NKAIN2: variants seen among roughly 807,000 people sequenced by gnomAD.
The protein encoded by NKAIN2 is sodium/potassium-transporting ATPase subunit beta-1-interacting protein 2.
Under a neutral mutation model 32.6 loss-of-function variants are expected in NKAIN2, and 14 were observed. That is an observed-to-expected ratio of 0.43 (90% CI 0.28 to 0.67). NKAIN2 has a LOEUF of 0.67. Among genes scored for constraint, NKAIN2 ranks in the 30% least tolerant of loss-of-function variants. The probability of loss-of-function intolerance (pLI) is 0.17; values close to 1 mark genes in which losing one functional copy is unlikely to be tolerated. For synonymous variants in NKAIN2, 80 were observed against 87.2 expected (o/e 0.92, Z 0.46); for missense variants, 198 against 258.3 (o/e 0.77, Z 1.60).
intron 1 of NKAIN2, among the ~76,000 whole-genome samples, chr6:124,227,939 G>A (rs1792208877): frequency 6.6e-6 from 1 of 152,146 alleles, no homozygotes. Flanking sequence ...CTGGGGACTG[G>A]AAAGTTGGAA....
chr6:124,477,882 G>C (rs753613977), intron 3 of NKAIN2, among the ~76,000 whole-genome samples: 1 of 146,658 alleles, frequency 6.8e-6, no homozygotes, highest in Non-Finnish European at 1.5e-5. Context: ...GTTTGGGAAA[G>C]AATCCTAGCA....
rs1192608014 is a variant in NKAIN2 at position 124,418,178 on chromosome 6, C to CTG, written c.273+62845_273+62846dup. The stretch of plus-strand genomic sequence containing the variant: ...GTGGACTGTGTGTGTGTGTGTGTGT[C>CTG]TGTGTGTGTGTGTGTTTGTATGGTG... On this transcript the variant is annotated intron_variant, in intron 3 of 6. Coordinates refer to ENST00000368417, the MANE Select transcript of NKAIN2 (RefSeq NM_001040214.3). Among the ~76,000 whole-genome samples, 215 of 142,074 alleles carry CTG rather than the reference C, an allele frequency of 1.5e-3. 1 individual carries two copies. Among genetic ancestry groups the CTG allele is most frequent in the African/African-American group, 4.1e-3 (155 of 37,900 alleles). The allele number at this position is 142,074 out of a possible 152,430, so 93.2% of individuals were successfully genotyped here.
intron 3 of NKAIN2, among the ~76,000 whole-genome samples, chr6:124,417,772 A>G (rs1307359893): frequency 6.6e-6 from 1 of 152,088 alleles, no homozygotes; most frequent in African/African-American, 2.4e-5. Flanking sequence ...TTCAGCCTGG[A>G]GTTGTCAAGT....
intron 1 of NKAIN2, among the ~76,000 whole-genome samples, chr6:123,832,010 G>A (rs559746461): frequency 6.6e-6 from 1 of 152,244 alleles, no homozygotes; most frequent in African/African-American, 2.4e-5. Flanking sequence ...TTTCATTAGG[G>A]TTCCCTATTG....
At chr6:124,055,544 T>C (rs1414306979) in intron 1 of NKAIN2, among the ~76,000 whole-genome samples, 1 of 152,000 alleles carries the variant, frequency 6.6e-6, no homozygotes, top group African/African-American at 2.4e-5. Context: ...CATTCTTTTG[T>C]CCTCAGAGAC....
At chr6:124,511,720 A>G (rs1329684975) in intron 3 of NKAIN2, among the ~76,000 whole-genome samples, 2 of 152,140 alleles carry the variant, frequency 1.3e-5, no homozygotes, top group African/African-American at 4.8e-5. Flanking sequence ...TCAGGCATTC[A>G]TGTTCCAGGT....
chr6:124,303,450 A>G (rs189857545), intron 2 of NKAIN2, among the ~76,000 whole-genome samples: 41 of 152,304 alleles, frequency 2.7e-4, no homozygotes, highest in Admixed American at 2.5e-3. Flanking sequence ...TATGTGGTCT[A>G]TAGAGACAAG....
At chr6:124,013,101 A>G (rs1009837549) in intron 1 of NKAIN2, among the ~76,000 whole-genome samples, 3 of 152,142 alleles carry the variant, frequency 2.0e-5, no homozygotes, top group Non-Finnish European at 4.4e-5. Flanking sequence ...AACATCTTTT[A>G]TGTGTTATTT....
At chr6:124,317,736 C>T (rs1457257799) in intron 2 of NKAIN2, among the ~76,000 whole-genome samples, 4 of 152,000 alleles carry the variant, frequency 2.6e-5, no homozygotes, top group Non-Finnish European at 4.4e-5. Context: ...AATACTAGAG[C>T]AAAATATTCT....
chr6:124,409,821 C>T (rs1774069007), intron 3 of NKAIN2, among the ~76,000 whole-genome samples: 1 of 152,120 alleles, frequency 6.6e-6, no homozygotes, highest in Non-Finnish European at 1.5e-5. Flanking sequence ...TCCATCTGGT[C>T]CTGGACTTTT....
intron 3 of NKAIN2, among the ~76,000 whole-genome samples, chr6:124,455,875 G>A (rs559300141): frequency 6.6e-6 from 1 of 152,038 alleles, no homozygotes; most frequent in South Asian, 2.1e-4. Context: ...CCCATGGCTA[G>A]TAGACTTGTG....
At chr6:124,327,116 G>C (rs2115039892) in intron 2 of NKAIN2, among the ~76,000 whole-genome samples, 1 of 151,646 alleles carries the variant, frequency 6.6e-6, no homozygotes, top group Middle Eastern at 3.4e-3. Context: ...TAGTGGTTTG[G>C]CCACACCCAC....
chr6:124,814,449 T>TTGGTTC (rs1421615186), intron 5 of NKAIN2, among the ~76,000 whole-genome samples: 2 of 152,220 alleles, frequency 1.3e-5, no homozygotes, highest in Non-Finnish European at 2.9e-5. Context: ...TTTTCTCATC[T>TTGGTTC]TGGTTCTGGG....
chr6:123,820,534 C>G (rs1773879927), intron 1 of NKAIN2, among the ~76,000 whole-genome samples: 1 of 152,046 alleles, frequency 6.6e-6, no homozygotes, highest in African/African-American at 2.4e-5. Flanking sequence ...TGTGGTGGAA[C>G]CAGTATGCTC....
intron 1 of NKAIN2, among the ~76,000 whole-genome samples, chr6:124,002,667 C>T (rs1053326178): frequency 6.6e-6 from 1 of 152,160 alleles, no homozygotes; most frequent in Non-Finnish European, 1.5e-5. Flanking sequence ...TCTCATTTAA[C>T]TTGCTCCATT....
chr6:124,725,445 C>G (rs1006535143), intron 4 of NKAIN2, among the ~76,000 whole-genome samples: 5 of 152,258 alleles, frequency 3.3e-5, no homozygotes, highest in Admixed American at 6.5e-5. Context: ...TGGGCCTCAT[C>G]ATCCTGGAAT....
chr6:124,537,168 C>T (rs1043312925), intron 3 of NKAIN2, among the ~76,000 whole-genome samples: 1 of 152,180 alleles, frequency 6.6e-6, no homozygotes, highest in Non-Finnish European at 1.5e-5. Flanking sequence ...CTCACAGCTG[C>T]TTCACTCCTG....
At chr6:124,796,153 A>G (rs576644702) in intron 5 of NKAIN2, among the ~76,000 whole-genome samples, 3 of 152,214 alleles carry the variant, frequency 2.0e-5, no homozygotes, top group South Asian at 4.1e-4. Flanking sequence ...TCCCCCATGA[A>G]TTAGTTAGCT....
chr6:124,730,743 C>G (rs1776622257), intron 4 of NKAIN2, among the ~76,000 whole-genome samples: 2 of 151,668 alleles, frequency 1.3e-5, no homozygotes, highest in African/African-American at 4.8e-5. Flanking sequence ...TTCTGCACAG[C>G]AAAAGAAACT....
Sources: gnomAD v4.1 joint callset for allele counts (sites outside exome capture counted in the v4.1 genomes callset) on GRCh38, gnomAD v4.1.1 for gene constraint, MANE v1.5 for transcripts, NCBI Gene and HGNC (gene_info 2026-07-23, HGNC 2026-07-21) for gene names.